The following SEZ6L variants were observed in gnomAD, a reference collection of about 807,000 sequenced individuals.
The protein encoded by SEZ6L is seizure related 6 homolog like.
SEZ6L carries 37 observed loss-of-function variants against 106.2 expected under a neutral mutation model. The observed-to-expected ratio is 0.35, with a 90% CI of 0.27 to 0.46. SEZ6L has a LOEUF of 0.46. Ranked by LOEUF, SEZ6L falls within the 20% of genes least tolerant of loss-of-function variation. The pLI is 1.00. For synonymous variants in SEZ6L, 541 were observed against 570.4 expected (o/e 0.95, Z 0.73); for missense variants, 1,172 against 1,332.8 (o/e 0.88, Z 1.88).
chr22:26,348,646 AAAAGAAAGAAAGAAAGAAAG>A (rs768075015), intron 11 of SEZ6L, among the ~76,000 whole-genome samples: 3 of 7,694 alleles, frequency 3.9e-4, no homozygotes, highest in Non-Finnish European at 6.0e-4. Context: ...GAAAGAAAGA[AAAAGAAAGAAAGAAAGAAAG>A]AAAGAAAGAA....
intron 9 of SEZ6L, among the ~76,000 whole-genome samples, chr22:26,324,154 C>G (rs1439233704): frequency 6.6e-6 from 1 of 151,430 alleles, no homozygotes; most frequent in Non-Finnish European, 1.5e-5. Flanking sequence ...GAGAGAAATT[C>G]CGAGCTCCAT....
chr22:26,177,293 C>T, intron 1 of SEZ6L, among the ~76,000 whole-genome samples: 1 of 151,618 alleles, frequency 6.6e-6, no homozygotes. Flanking sequence ...AGTAACTCTA[C>T]AAAAAAGGAG....
chr22:26,234,439 G>A (rs181067184), intron 1 of SEZ6L, among the ~76,000 whole-genome samples: 80 of 152,300 alleles, frequency 5.3e-4, no homozygotes, highest in Admixed American at 1.4e-3. Context: ...AGAGTGGGTC[G>A]GAATTAGCAG....
chr22:26,333,135 C>T (rs779197834), intron 9 of SEZ6L, among the ~76,000 whole-genome samples: 3 of 152,220 alleles, frequency 2.0e-5, no homozygotes, highest in Non-Finnish European at 4.4e-5. Context: ...AGTGGTAACA[C>T]TAAATGGCAT....
At chr22:26,245,989 C>A (rs1209695) in intron 1 of SEZ6L, among the ~76,000 whole-genome samples, 140,416 of 152,296 alleles carry the variant, frequency 0.92, 65,684 homozygotes, top group Non-Finnish European at 1. Flanking sequence ...CAAAGCAGAC[C>A]ATGCAAAAAT....
chr22:26,266,377 A>G (rs1348425202), intron 1 of SEZ6L, among the ~76,000 whole-genome samples: 84 of 151,006 alleles, frequency 5.6e-4, no homozygotes, highest in African/African-American at 1.8e-3. Context: ...TGGCTAACAC[A>G]GTGAAACCCC....
intron 10 of SEZ6L, among the ~76,000 whole-genome samples, chr22:26,344,315 T>G (rs1033427): frequency 0.25 from 37,475 of 152,130 alleles, 5,048 homozygotes; most frequent in South Asian, 0.37. Context: ...GCCCACTGTC[T>G]ATGGCCAAAG....
At chr22:26,374,561 T>A (rs1218641091) in intron 14 of SEZ6L, among the ~76,000 whole-genome samples, 1 of 152,216 alleles carries the variant, frequency 6.6e-6, no homozygotes, top group Non-Finnish European at 1.5e-5. Flanking sequence ...CATGAGAACG[T>A]CTCAAAGGGC....
chr22:26,359,918 G>A (rs906192150), intron 12 of SEZ6L, among the ~76,000 whole-genome samples: 6 of 152,234 alleles, frequency 3.9e-5, no homozygotes, highest in Non-Finnish European at 7.3e-5. Context: ...CTGGCTCAGA[G>A]AATGCCCTCA....
chr22:26,311,708 A>G (rs1018580026), intron 7 of SEZ6L, 60 bp from the exon 8 acceptor site: 10 of 1,446,178 alleles, frequency 6.9e-6, no homozygotes, highest in Non-Finnish European at 9.7e-6. Context: ...CTTCTGAAAT[A>G]TAGCACCGTG....
At chr22:26,186,129 C>T (rs781699962) in intron 1 of SEZ6L, among the ~76,000 whole-genome samples, 1 of 151,982 alleles carries the variant, frequency 6.6e-6, no homozygotes, top group African/African-American at 2.4e-5. Flanking sequence ...ACCATCAGCC[C>T]TCCTTTCCGC....
At chr22:26,279,456 TC>T (rs1335849328) in intron 1 of SEZ6L, among the ~76,000 whole-genome samples, 6 of 152,220 alleles carry the variant, frequency 3.9e-5, no homozygotes, top group African/African-American at 1.4e-4. Context: ...ATCCTCCTTC[TC>T]TTCTTTCCTG....
At chr22:26,255,300 C>T (rs1479056151) in intron 1 of SEZ6L, among the ~76,000 whole-genome samples, 2 of 152,162 alleles carry the variant, frequency 1.3e-5, no homozygotes, top group African/African-American at 4.8e-5. Flanking sequence ...TTGCTTCCCT[C>T]GGGAGCCTGG....
chr22:26,239,854 T>C (rs2079060211), intron 1 of SEZ6L, among the ~76,000 whole-genome samples: 1 of 151,930 alleles, frequency 6.6e-6, no homozygotes, highest in Non-Finnish European at 1.5e-5. Context: ...CACAAAGCCA[T>C]TCATTTTGTA....
intron 1 of SEZ6L, among the ~76,000 whole-genome samples, chr22:26,259,493 T>A (rs2079929593): frequency 6.6e-6 from 1 of 152,110 alleles, no homozygotes; most frequent in Admixed American, 6.5e-5. Flanking sequence ...AAAGCACAAA[T>A]TCAACATGAT....
At chr22:26,338,807 C>T (rs1284223319) in intron 9 of SEZ6L, among the ~76,000 whole-genome samples, 7 of 142,374 alleles carry the variant, frequency 4.9e-5, no homozygotes, top group Non-Finnish European at 8.1e-5. Context: ...CCTCCTGCCT[C>T]GGCCTCCCAA....
rs752944044 is a variant in SEZ6L, at chr22:26,261,706, C to T, written c.95-30700C>T. On this transcript the variant is annotated intron_variant, in intron 1 of 16. Coordinates refer to ENST00000248933, the MANE Select transcript of SEZ6L (RefSeq NM_021115.5). ...GTGTGTGCCTACTAAGCATAAAGTA[C>T]AGATGCTGTAAAAAGACAAAATTGG... Among the ~76,000 whole-genome samples the T allele has an allele frequency of 9.9e-4, 150 of 152,154 alleles. 2 individuals are homozygous for T. Among genetic ancestry groups the T allele is most frequent in the Non-Finnish European group, 2.8e-4 (19 of 68,040 alleles).
chr22:26,197,011 G>A (rs1940624512), intron 1 of SEZ6L, among the ~76,000 whole-genome samples: 1 of 152,206 alleles, frequency 6.6e-6, no homozygotes. Context: ...GCATGTGGAT[G>A]CATCTTGTTT....
At chr22:26,189,014 A>T (rs1182346099) in intron 1 of SEZ6L, among the ~76,000 whole-genome samples, 1 of 152,170 alleles carries the variant, frequency 6.6e-6, no homozygotes, top group Admixed American at 6.5e-5. Flanking sequence ...TTTTTCCGTT[A>T]CCTTACTTTG....
Sources: gnomAD v4.1 joint callset for allele counts (sites outside exome capture counted in the v4.1 genomes callset) on GRCh38, gnomAD v4.1.1 for gene constraint, MANE v1.5 for transcripts, NCBI Gene and HGNC (gene_info 2026-07-23, HGNC 2026-07-21) for gene names.